The following ANTXR2 variants were observed in gnomAD, a reference collection of about 807,000 sequenced individuals.
ANTXR2 encodes anthrax toxin receptor 2.
In ANTXR2, 44 loss-of-function variants were observed where a neutral mutation model predicts 73.7. The observed-to-expected ratio is 0.60, with a 90% CI of 0.47 to 0.77. The LOEUF (loss-of-function observed/expected upper bound fraction) is 0.77, where lower values mean the gene tolerates loss of function less well. ANTXR2 is among the 30% of genes least tolerant of loss of function. The probability of loss-of-function intolerance (pLI) is 0.00; values close to 1 mark genes in which losing one functional copy is unlikely to be tolerated. For missense variants in ANTXR2, 604 were observed against 592.5 expected (o/e 1.02, Z -0.20); for synonymous variants, 217 against 205.9 (o/e 1.05, Z -0.46).
intron 7 of ANTXR2, among the ~76,000 whole-genome samples, chr4:80,042,761 G>A (rs1481315342): frequency 1.3e-5 from 2 of 152,014 alleles, no homozygotes; most frequent in African/African-American, 4.8e-5. Context: ...AGAAATGCAA[G>A]CAGCATGAGG....
chr4:80,012,154 G>A (rs7662083), intron 11 of ANTXR2, among the ~76,000 whole-genome samples: 73,040 of 151,976 alleles, frequency 0.48, 20,109 homozygotes, highest in East Asian at 0.92. Context: ...CACAGAACGG[G>A]GAAAATGGGT....
chr4:79,980,050 A>C (rs949882856), intron 14 of ANTXR2, among the ~76,000 whole-genome samples: 16 of 152,274 alleles, frequency 1.1e-4, no homozygotes, highest in African/African-American at 3.8e-4. Flanking sequence ...TTTCACTGGC[A>C]CTATTCTCAG....
At chr4:80,000,655 G>C (rs1219751938) in intron 12 of ANTXR2, among the ~76,000 whole-genome samples, 1 of 152,000 alleles carries the variant, frequency 6.6e-6, no homozygotes, top group Admixed American at 6.6e-5. Context: ...TCACCTGACA[G>C]GATAATGTTA....
chr4:80,048,414 T>C (rs920261975), intron 7 of ANTXR2, among the ~76,000 whole-genome samples: 11 of 151,678 alleles, frequency 7.3e-5, no homozygotes, highest in African/African-American at 2.7e-4. Context: ...TAATCTGATA[T>C]ACAGTTATTC....
chr4:79,983,650 G>T (rs988021437), intron 14 of ANTXR2, among the ~76,000 whole-genome samples: 1 of 151,944 alleles, frequency 6.6e-6, no homozygotes, highest in Non-Finnish European at 1.5e-5. Flanking sequence ...AGAATTCAGA[G>T]GTCTTATCAA....
intron 6 of ANTXR2, 146 bp downstream of exon 6, chr4:80,055,004 T>G: frequency 1.5e-6 from 1 of 654,592 alleles, no homozygotes; most frequent in Non-Finnish European, 2.6e-6. Context: ...ATTATTAAGG[T>G]AGTACTCAAA....
intron 12 of ANTXR2, among the ~76,000 whole-genome samples, chr4:79,986,350 A>G (rs35571000): frequency 0.07 from 10,680 of 152,258 alleles, 453 homozygotes; most frequent in Middle Eastern, 0.11. Flanking sequence ...GTTTAAAACA[A>G]TAGCAACTTT....
chr4:79,948,932 T>G (rs1459504842), intron 16 of ANTXR2, among the ~76,000 whole-genome samples: 1 of 152,182 alleles, frequency 6.6e-6, no homozygotes, highest in Non-Finnish European at 1.5e-5. Context: ...TCATCATCAT[T>G]TCTTTGAGTC....
In ANTXR2 at chr4:79,988,403, A is replaced by C. The variant is rs185826787; in HGVS notation, c.1042-3540T>G. 2.6e-3 allele frequency among the ~76,000 whole-genome samples: 392 copies of C among 151,826 alleles called. 4 individuals are homozygous for C. Among genetic ancestry groups the C allele is most frequent in the African/African-American group, 8.9e-3 (367 of 41,434 alleles). On this transcript the variant is annotated intron_variant, in intron 12 of 16. Transcript: ENST00000403729. ...AAATCAGCAATGATCAAAAAAGACA[A>C]AGAGCATTGCATAATGATAAAAGTT...
Position 79,902,515 on chromosome 4 carries a change from T to C in ANTXR2, c.*4914A>G, listed in dbSNP as rs1237772989. 2.0e-5 allele frequency: 3 copies of C among 152,124 alleles called. No homozygotes were observed. Among genetic ancestry groups the C allele is most frequent in the Non-Finnish European group, 4.4e-5 (3 of 68,018 alleles). The allele number at this position is 152,124 out of a possible 1,614,324, so 9.4% of individuals were successfully genotyped here. A position where few individuals can be genotyped will look rare whatever the true frequency, so the allele number is the denominator to read the frequency against. On this transcript the variant is annotated 3_prime_UTR_variant, in exon 17 of 17. Coordinates refer to ENST00000403729, the MANE Select transcript of ANTXR2 (RefSeq NM_058172.6). ...TGGGAGCATAAATATCTCCTAACAA[T>C]CTCTGTGCTTCTTTATATATGTTTT...
At chr4:80,024,939 C>T (rs1357135206) in intron 10 of ANTXR2, among the ~76,000 whole-genome samples, 1 of 152,126 alleles carries the variant, frequency 6.6e-6, no homozygotes, top group Non-Finnish European at 1.5e-5. Context: ...GAAGATAATG[C>T]TGGGAAATGG....
intron 12 of ANTXR2, among the ~76,000 whole-genome samples, chr4:80,006,815 C>A (rs1731323982): frequency 6.6e-6 from 1 of 151,940 alleles, no homozygotes; most frequent in South Asian, 2.1e-4. Context: ...CTTCTGAGCC[C>A]TCTGGTCAAT....
intron 14 of ANTXR2, among the ~76,000 whole-genome samples, chr4:79,980,921 TA>T (rs11397721): frequency 0.11 from 14,629 of 137,418 alleles, 1,531 homozygotes; most frequent in East Asian, 0.61. Context: ...TTAAGGGCTT[TA>T]AAAAAAAAAA....
At chr4:80,068,642 T>C (rs1379362201) in intron 3 of ANTXR2, among the ~76,000 whole-genome samples, 1 of 152,052 alleles carries the variant, frequency 6.6e-6, no homozygotes, top group Non-Finnish European at 1.5e-5. Flanking sequence ...TGTGGTGGCA[T>C]GTGCCTATAA....
At chr4:79,933,981 G>A (rs1034104803) in intron 16 of ANTXR2, among the ~76,000 whole-genome samples, 12 of 151,918 alleles carry the variant, frequency 7.9e-5, no homozygotes, top group South Asian at 4.2e-4. Flanking sequence ...CTCGTGATCC[G>A]CCCGCCTCGG....
chr4:79,994,203 ATC>A (rs1730618475), intron 12 of ANTXR2, among the ~76,000 whole-genome samples: 1 of 151,980 alleles, frequency 6.6e-6, no homozygotes, highest in Admixed American at 6.6e-5. Context: ...TTATTTCTCT[ATC>A]TCCAATTGAT....
At chr4:80,048,087 TTTA>T (rs1733604684) in intron 7 of ANTXR2, among the ~76,000 whole-genome samples, 2 of 151,584 alleles carry the variant, frequency 1.3e-5, no homozygotes, top group African/African-American at 4.8e-5. Flanking sequence ...TTTTATTCAT[TTTA>T]TTTATTTATC....
chr4:79,981,539 G>A (rs1459473376), intron 14 of ANTXR2, among the ~76,000 whole-genome samples: 1 of 151,906 alleles, frequency 6.6e-6, no homozygotes, highest in African/African-American at 2.4e-5. Context: ...TTCCTCTTAT[G>A]TGTATAGGGT....
intron 16 of ANTXR2, among the ~76,000 whole-genome samples, chr4:79,959,644 T>A (rs943994751): frequency 6.6e-6 from 1 of 152,212 alleles, no homozygotes; most frequent in Non-Finnish European, 1.5e-5. Context: ...TTAAGTCTAG[T>A]GGGCCTCAGT....
Sources: gnomAD v4.1 joint callset for allele counts (sites outside exome capture counted in the v4.1 genomes callset) on GRCh38, gnomAD v4.1.1 for gene constraint, MANE v1.5 for transcripts, NCBI Gene and HGNC (gene_info 2026-07-23, HGNC 2026-07-21) for gene names.